PCDHA2: variants seen among roughly 807,000 people sequenced by gnomAD.
The protein encoded by PCDHA2 is protocadherin alpha-2.
Under a neutral mutation model 66.0 loss-of-function variants are expected in PCDHA2, and 58 were observed. The ratio of observed to expected loss-of-function variants is 0.88; its 90% confidence interval spans 0.71 to 1.09. The LOEUF (loss-of-function observed/expected upper bound fraction) is 1.09, where lower values mean the gene tolerates loss of function less well. Ranked by LOEUF, PCDHA2 falls within the 50% of genes least tolerant of loss-of-function variation. PCDHA2 has a pLI of 0.00. For missense variants in PCDHA2, 1,267 were observed against 1,242.3 expected (o/e 1.02, Z -0.30); for synonymous variants, 634 against 554.0 (o/e 1.14, Z -2.03).
At chr5:140,967,669 G>C in intron 1 of PCDHA2, 9 of 1,614,126 alleles carry the variant, frequency 5.6e-6, no homozygotes, top group Non-Finnish European at 7.6e-6. Flanking sequence ...GCTACACGTC[G>C]GACCGGGAGA....
At chr5:140,992,208 A>G (rs2097499240) in intron 3 of PCDHA2, among the ~76,000 whole-genome samples, 1 of 152,150 alleles carries the variant, frequency 6.6e-6, no homozygotes, top group African/African-American at 2.4e-5. Context: ...AATCAGATAA[A>G]CTACTCTCCC....
intron 1 of PCDHA2, chr5:140,810,068 A>G (rs1764594769): frequency 6.5e-6 from 1 of 153,826 alleles, no homozygotes; most frequent in African/African-American, 2.4e-5. Context: ...CTGTTTTGGG[A>G]ACGTTATCTA....
rs1554144802 is a variant in PCDHA2, at chr5:140,850,697, T to G, written c.2388+53345T>G. ...TGCCCACCGAGGGCGAGTGCGCGCC[T>G]GGCAAGCCGACGCTGGTGTGTTCTA... On this transcript the variant is annotated intron_variant, in intron 1 of 3. Transcript: ENST00000526136. 18 of 1,596,928 alleles carry G rather than the reference T, an allele frequency of 1.1e-5. 1 individual carries two copies. The highest frequency in any genetic ancestry group is 3.4e-5 in the Admixed American group (2 of 59,142).
chr5:140,884,440 G>C (rs1554181563), intron 1 of PCDHA2: 5 of 1,613,830 alleles, frequency 3.1e-6, no homozygotes, highest in Non-Finnish European at 2.5e-6. Context: ...TGCGGTGCTC[G>C]GCACCGCCCA....
intron 1 of PCDHA2, among the ~76,000 whole-genome samples, chr5:140,897,430 C>T (rs1297820601): frequency 6.7e-6 from 1 of 148,618 alleles, no homozygotes; most frequent in Non-Finnish European, 1.5e-5. Context: ...TGAGTGAGAA[C>T]ATGCAGTGTT....
intron 3 of PCDHA2, among the ~76,000 whole-genome samples, chr5:141,007,135 C>G (rs1183279253): frequency 2.6e-5 from 4 of 152,074 alleles, no homozygotes; most frequent in Non-Finnish European, 5.9e-5. Context: ...GATGAGGAGA[C>G]TGACAAAGGA....
At chr5:140,869,453 T>C in intron 1 of PCDHA2, 1 of 1,614,214 alleles carries the variant, frequency 6.2e-7, no homozygotes, top group Non-Finnish European at 8.5e-7. Flanking sequence ...CTGCAGGTTT[T>C]CCATGTGAAC....
chr5:140,989,534 A>G (rs1201139003), intron 3 of PCDHA2, among the ~76,000 whole-genome samples: 1 of 152,184 alleles, frequency 6.6e-6, no homozygotes, highest in African/African-American at 2.4e-5. Flanking sequence ...GGAGGAAGAT[A>G]GTTTGTAATT....
chr5:140,851,549 T>A (rs2042091129), intron 1 of PCDHA2: 1 of 908,826 alleles, frequency 1.1e-6, no homozygotes, highest in African/African-American at 1.8e-5. Flanking sequence ...ATTCAAGAAA[T>A]GTTGACTGAA....
At chr5:140,808,420 T>TGCCCTGGACCGC in intron 1 of PCDHA2, 1 of 1,614,142 alleles carries the variant, frequency 6.2e-7, no homozygotes. Flanking sequence ...TGCTGGACAG[T>TGCCCTGGACCGC]GCCCTGGACC....
At chr5:140,841,121 A>G in intron 1 of PCDHA2, 1 of 638,688 alleles carries the variant, frequency 1.6e-6, no homozygotes, top group Non-Finnish European at 2.6e-6. Flanking sequence ...TCATGTAATC[A>G]TTACCTTTTG....
chr5:140,884,731 C>T (rs2060333216), intron 1 of PCDHA2: 2 of 1,449,296 alleles, frequency 1.4e-6, no homozygotes, highest in East Asian at 4.9e-5. Flanking sequence ...TTGTTTAAGA[C>T]ATCTTTCCTG....
At chr5:140,997,098 C>T (rs1328956245) in intron 3 of PCDHA2, among the ~76,000 whole-genome samples, 12 of 152,128 alleles carry the variant, frequency 7.9e-5, no homozygotes, top group Admixed American at 5.2e-4. Context: ...GCAGAGTTCT[C>T]ATGCACTCCT....
chr5:140,921,888 A>G (rs1430604991), intron 1 of PCDHA2, among the ~76,000 whole-genome samples: 8 of 152,090 alleles, frequency 5.3e-5, no homozygotes, highest in African/African-American at 1.9e-4. Context: ...AGATTTTAGA[A>G]AGGAGGATAA....
chr5:140,849,445 A>G, intron 1 of PCDHA2: 1 of 1,585,774 alleles, frequency 6.3e-7, no homozygotes, highest in South Asian at 1.1e-5. Flanking sequence ...AGAGCACACA[A>G]GATCCCAGTC....
rs114930676 is a variant in PCDHA2 at position 140,999,076 on chromosome 5, C to G, written c.2537-10551C>G. ...CATGCCTAAGTAGTCTCCTTCACTT[C>G]CTCCTTCAGAGGGCTATGGAGAGTA... On this transcript the variant is annotated intron_variant, in intron 3 of 3. Transcript: ENST00000526136. Among the ~76,000 whole-genome samples the G allele has an allele frequency of 3.3e-3, 503 of 152,332 alleles. 4 individuals are homozygous for G. The highest frequency in any genetic ancestry group is 0.011 in the African/African-American group (469 of 41,568).
chr5:140,861,870 GC>G (rs1319389506), intron 1 of PCDHA2: 1 of 156,092 alleles, frequency 6.4e-6, no homozygotes, highest in East Asian at 1.9e-4. Context: ...ACTGATGGGG[GC>G]GAAGCTGAGC....
At chr5:140,947,769 A>T (rs2094173274) in intron 1 of PCDHA2, among the ~76,000 whole-genome samples, 1 of 151,626 alleles carries the variant, frequency 6.6e-6, no homozygotes, top group Non-Finnish European at 1.5e-5. Context: ...AAAAAATTCT[A>T]TTGTAAATGG....
intron 1 of PCDHA2, chr5:140,809,488 C>T: frequency 1.2e-6 from 2 of 1,614,218 alleles, no homozygotes; most frequent in Middle Eastern, 1.6e-4. Flanking sequence ...CACCCAAGAC[C>T]GACCTCATGG....
Sources: allele counts gnomAD v4.1 joint callset (sites outside exome capture counted in the v4.1 genomes callset), GRCh38; gene constraint gnomAD v4.1.1; transcripts MANE v1.5; gene names NCBI Gene and HGNC (gene_info 2026-07-23, HGNC 2026-07-21).